Variants in QTGAL observed in about 807,000 individuals in gnomAD.
The protein encoded by QTGAL is queuosine-tRNA galactosyltransferase.
the QTGAL span, among the ~76,000 whole-genome samples, chr17:82,953,210 G>C: frequency 6.6e-6 from 1 of 151,984 alleles, no homozygotes; most frequent in Non-Finnish European, 1.5e-5. Context: ...AGGAGATAGA[G>C]ACACAAAAAT....
At chr17:83,020,560 G>A in the QTGAL span, among the ~76,000 whole-genome samples, 2 of 152,268 alleles carry the variant, frequency 1.3e-5, no homozygotes, top group African/African-American at 2.4e-5. Flanking sequence ...CCAGAGAGGT[G>A]AGCAGGACGC....
At chr17:82,944,088 T>C in the QTGAL span, 9 of 152,248 alleles carry the variant, frequency 5.9e-5, 1 homozygote, top group Admixed American at 5.9e-4. Context: ...GAGAAAAACA[T>C]GATGAACTGT....
At chr17:82,947,976 T>C in the QTGAL span, 6 of 152,396 alleles carry the variant, frequency 3.9e-5, no homozygotes, top group African/African-American at 1.4e-4. Flanking sequence ...TAAAACTAGA[T>C]GCTTCTGTAA....
the QTGAL span, chr17:83,035,197 G>A: frequency 9.7e-5 from 99 of 1,021,192 alleles, 4 homozygotes; most frequent in South Asian, 7.4e-4. Flanking sequence ...TTTTTTTTTC[G>A]AGATGGAGTT....
the QTGAL span, among the ~76,000 whole-genome samples, chr17:82,946,172 A>G: frequency 6.6e-6 from 1 of 152,232 alleles, no homozygotes; most frequent in Non-Finnish European, 1.5e-5. Flanking sequence ...ACAAGAATAA[A>G]AAATACACTA....
chr17:83,018,258 A>G, the QTGAL span, among the ~76,000 whole-genome samples: 1 of 151,222 alleles, frequency 6.6e-6, no homozygotes, highest in South Asian at 2.1e-4. Context: ...GTGTGCCTGT[A>G]TCAGATACCA....
At chr17:82,947,387 C>T in the QTGAL span, 1 of 187,038 alleles carries the variant, frequency 5.3e-6, no homozygotes, top group Non-Finnish European at 1.1e-5. Flanking sequence ...ACAGAAACTG[C>T]ATCTCAGAAC....
At chr17:83,023,299 GAGC>G in the QTGAL span, among the ~76,000 whole-genome samples, 2 of 57,096 alleles carry the variant, frequency 3.5e-5, no homozygotes, top group Admixed American at 2.2e-4. Context: ...GAACTCACAT[GAGC>G]TTAGCACTGT....
the QTGAL span, among the ~76,000 whole-genome samples, chr17:82,963,305 C>T: frequency 5.3e-5 from 8 of 152,168 alleles, no homozygotes; most frequent in East Asian, 9.6e-4. Context: ...TCGTCCCCAG[C>T]GCCACCCGCC....
At chr17:83,050,786 C>A in the QTGAL span, among the ~76,000 whole-genome samples, 1 of 148,772 alleles carries the variant, frequency 6.7e-6, no homozygotes, top group African/African-American at 2.5e-5. Context: ...GCTGGGCACA[C>A]AGGCAGGTGT....
At chr17:83,014,232 T>C in the QTGAL span, among the ~76,000 whole-genome samples, 1 of 152,172 alleles carries the variant, frequency 6.6e-6, no homozygotes, top group South Asian at 2.1e-4. Flanking sequence ...CAACCACCTT[T>C]GCACCCTACG....
At chr17:83,011,795 A>C in the QTGAL span, among the ~76,000 whole-genome samples, 1 of 152,202 alleles carries the variant, frequency 6.6e-6, no homozygotes, top group African/African-American at 2.4e-5. Context: ...ATGAAAATGG[A>C]AATTAAGCTT....
chr17:83,032,129 C>G, the QTGAL span, among the ~76,000 whole-genome samples: 1 of 140,638 alleles, frequency 7.1e-6, no homozygotes, highest in Admixed American at 7.0e-5. Context: ...AGCTCGGGAG[C>G]TGAACAACGG....
At chr17:83,043,511 T>A in the QTGAL span, among the ~76,000 whole-genome samples, 3 of 152,048 alleles carry the variant, frequency 2.0e-5, no homozygotes, top group Admixed American at 2.0e-4. Context: ...ACTTTCAGGA[T>A]GTAGAAAAAT....
At chr17:83,026,406 A>G in the QTGAL span, among the ~76,000 whole-genome samples, 2 of 152,292 alleles carry the variant, frequency 1.3e-5, no homozygotes, top group Non-Finnish European at 2.9e-5. Flanking sequence ...AGACGGATGT[A>G]CACGGCAGGT....
the QTGAL span, among the ~76,000 whole-genome samples, chr17:82,994,125 T>G: frequency 1.3e-5 from 2 of 151,618 alleles, no homozygotes; most frequent in African/African-American, 4.8e-5. Context: ...AAACCCAAAA[T>G]TAGTAGAAGA....
chr17:82,997,074 T>C, the QTGAL span, among the ~76,000 whole-genome samples: 1 of 152,112 alleles, frequency 6.6e-6, no homozygotes, highest in South Asian at 2.1e-4. Context: ...AAAGCTTCTG[T>C]ACAGCAAAGG....
the QTGAL span, chr17:82,945,067 C>G: frequency 6.6e-6 from 1 of 152,088 alleles, no homozygotes; most frequent in Admixed American, 6.5e-5. Flanking sequence ...CAAAACCTCT[C>G]TGGTAGAATG....
At chr17:83,025,556 C>T in the QTGAL span, among the ~76,000 whole-genome samples, 1 of 100,774 alleles carries the variant, frequency 9.9e-6, no homozygotes, top group Non-Finnish European at 2.2e-5. Context: ...GGAGTCCACA[C>T]ACGGACACCG....
Sources: allele counts gnomAD v4.1 joint callset (sites outside exome capture counted in the v4.1 genomes callset), GRCh38; gene constraint gnomAD v4.1.1; transcripts MANE v1.5; gene names NCBI Gene and HGNC (gene_info 2026-07-23, HGNC 2026-07-21).